ZNF385B: variants seen among roughly 807,000 people sequenced by gnomAD.
ZNF385B encodes zinc finger protein 385B, also known as zinc finger protein 533.
Under a neutral mutation model 39.2 loss-of-function variants are expected in ZNF385B, and 23 were observed. The ratio of observed to expected loss-of-function variants is 0.59; its 90% CI spans 0.42 to 0.83. The LOEUF (loss-of-function observed/expected upper bound fraction) is 0.83. ZNF385B is among the 40% of genes least tolerant of loss of function. The pLI, the probability that ZNF385B is intolerant of heterozygous loss-of-function variation, is 0.00. For synonymous variants in ZNF385B, 205 were observed against 222.6 expected (o/e 0.92, Z 0.70); for missense variants, 552 against 598.9 (o/e 0.92, Z 0.82).
chr2:179,456,127 T>A (rs752567474), intron 6 of ZNF385B, among the ~76,000 whole-genome samples: 1 of 152,206 alleles, frequency 6.6e-6, no homozygotes, highest in Non-Finnish European at 1.5e-5. Flanking sequence ...ATTGAATTCA[T>A]ATATTCAATA....
intron 5 of ZNF385B, among the ~76,000 whole-genome samples, chr2:179,506,686 T>C (rs2057280534): frequency 6.6e-6 from 1 of 152,154 alleles, no homozygotes; most frequent in Admixed American, 6.6e-5. Context: ...TAATATTTAG[T>C]GGCATAGTAC....
intron 1 of ZNF385B, among the ~76,000 whole-genome samples, chr2:179,780,087 T>C (rs938094462): frequency 6.6e-6 from 1 of 152,148 alleles, no homozygotes; most frequent in African/African-American, 2.4e-5. Flanking sequence ...GGGCAGCCAA[T>C]GTTGAGAACC....
intron 3 of ZNF385B, among the ~76,000 whole-genome samples, chr2:179,745,429 G>A (rs1315884494): frequency 6.6e-6 from 1 of 152,108 alleles, no homozygotes; most frequent in Non-Finnish European, 1.5e-5. Flanking sequence ...TCACTGACTT[G>A]TTCAGAATGT....
chr2:179,543,649 T>A (rs983045709), intron 4 of ZNF385B, among the ~76,000 whole-genome samples: 3 of 151,966 alleles, frequency 2.0e-5, no homozygotes, highest in African/African-American at 7.3e-5. Context: ...CTAGGAACAA[T>A]GCTCGCCTTT....
At position 179,445,545 on chromosome 2, in the gene ZNF385B, G is replaced by GT; in HGVS notation, c.1140+4dup. 3.1e-6 allele frequency: 5 copies of GT among 1,608,928 alleles called. No homozygotes were observed. The highest frequency in any genetic ancestry group is 4.2e-6 in the Non-Finnish European group (5 of 1,177,646). ...AATAATGTTTACTAATTCAGGATAC[G>GT]TTACCTGTTTGAGTTGAATTTCTGA... On this transcript the variant is annotated splice_donor_region_variant and intron_variant, in intron 8 of 9. Transcript: ENST00000410066.
chr2:179,662,165 G>A (rs544497821), intron 3 of ZNF385B, among the ~76,000 whole-genome samples: 3 of 152,170 alleles, frequency 2.0e-5, no homozygotes, highest in Non-Finnish European at 4.4e-5. Flanking sequence ...AAGGACAGGA[G>A]AAAGGTAACC....
chr2:179,598,624 G>C (rs1688182400), intron 3 of ZNF385B, among the ~76,000 whole-genome samples: 1 of 152,016 alleles, frequency 6.6e-6, no homozygotes, highest in Non-Finnish European at 1.5e-5. Flanking sequence ...TGTATGAGGT[G>C]GTGGTGAAAA....
intron 6 of ZNF385B, among the ~76,000 whole-genome samples, chr2:179,453,809 C>G (rs937010063): frequency 2.0e-5 from 3 of 152,068 alleles, no homozygotes; most frequent in African/African-American, 7.2e-5. Context: ...TTTAGTGGCA[C>G]AAGCTGAGGA....
chr2:179,493,789 GTATACATATATGTATA>G (rs1378286423), intron 5 of ZNF385B, among the ~76,000 whole-genome samples: 1 of 113,266 alleles, frequency 8.8e-6, no homozygotes, highest in African/African-American at 3.3e-5. Context: ...ATACACATAT[GTATACATATATGTATA>G]TATACATATA....
At chr2:179,475,645 T>C (rs978957802) in intron 6 of ZNF385B, among the ~76,000 whole-genome samples, 7 of 75,452 alleles carry the variant, frequency 9.3e-5, no homozygotes, top group Non-Finnish European at 2.0e-4. Flanking sequence ...ACAGGGAACC[T>C]GAGCCTCAAG....
intron 4 of ZNF385B, among the ~76,000 whole-genome samples, chr2:179,530,405 G>GT (rs111863212): frequency 6.6e-6 from 1 of 152,106 alleles, no homozygotes; most frequent in Non-Finnish European, 1.5e-5. Context: ...ACAATTGCTT[G>GT]TTTTTTGGTA....
chr2:179,829,687 G>T (rs1264722975), intron 1 of ZNF385B, among the ~76,000 whole-genome samples: 2 of 152,036 alleles, frequency 1.3e-5, no homozygotes, highest in African/African-American at 4.8e-5. Flanking sequence ...CCAATTTTTT[G>T]TATTTTTAGT....
chr2:179,850,636 G>C, intron 1 of ZNF385B, among the ~76,000 whole-genome samples: 1 of 152,304 alleles, frequency 6.6e-6, no homozygotes, highest in Middle Eastern at 3.4e-3. Context: ...TGCTAAAGGG[G>C]GTTAAGAAAC....
chr2:179,627,365 G>C (rs1232027051), intron 3 of ZNF385B, among the ~76,000 whole-genome samples: 1 of 152,098 alleles, frequency 6.6e-6, no homozygotes, highest in Non-Finnish European at 1.5e-5. Context: ...ATTGCAACTG[G>C]AACCATACTA....
rs2049533791 is a variant in ZNF385B at position 179,446,743 on chromosome 2, C to T, written c.743G>A (p.Ser248Asn). The change falls in exon 7 of 10, where the codon AGT becomes AAT. Residue 248 changes from serine (S) to asparagine (N), a missense_variant. By Grantham distance (46) the Ser-to-Asn change is conservative. Coordinates refer to ENST00000410066, the MANE Select transcript of ZNF385B (RefSeq NM_152520.6). Reference protein sequence around the residue: ...SEDKGKLKASSSSQPSSSESG... With the variant: ...SEDKGKLKASNSSQPSSSESG... ...TTCAGAGCTTGATGGCTGACTGGAACTGCTGGCTTTTAACTTCCCTTTATC... is the reference window on the plus strand; with the variant it reads ...TTCAGAGCTTGATGGCTGACTGGAATTGCTGGCTTTTAACTTCCCTTTATC... The T allele has an allele frequency of 6.2e-7, 1 of 1,612,958 alleles. No homozygotes were observed.
intron 1 of ZNF385B, among the ~76,000 whole-genome samples, chr2:179,805,198 G>T (rs913580125): frequency 6.6e-6 from 1 of 152,108 alleles, no homozygotes; most frequent in Non-Finnish European, 1.5e-5. Context: ...TACATGGGGG[G>T]AACCAAGGCG....
intron 3 of ZNF385B, among the ~76,000 whole-genome samples, chr2:179,717,323 T>C (rs116574062): frequency 0.017 from 2,594 of 152,308 alleles, 37 homozygotes; most frequent in South Asian, 0.027. Flanking sequence ...ACCAATTTTC[T>C]TTAGATTTTA....
intron 6 of ZNF385B, among the ~76,000 whole-genome samples, chr2:179,476,747 A>G (rs1480380704): frequency 6.6e-6 from 1 of 152,158 alleles, no homozygotes; most frequent in Admixed American, 6.5e-5. Context: ...TTTTAAGTTG[A>G]CCTTGAAAGT....
chr2:179,544,106 C>T (rs2060086168), intron 4 of ZNF385B, among the ~76,000 whole-genome samples: 1 of 152,164 alleles, frequency 6.6e-6, no homozygotes, highest in Admixed American at 6.6e-5. Context: ...TAGAATCTGG[C>T]TACAGATTGA....
Sources: gnomAD v4.1 joint callset for allele counts (sites outside exome capture counted in the v4.1 genomes callset) on GRCh38, gnomAD v4.1.1 for gene constraint, MANE v1.5 for transcripts, NCBI Gene and HGNC (gene_info 2026-07-23, HGNC 2026-07-21) for gene names.